Variants in LRRIQ1 observed in about 807,000 individuals in gnomAD.
The protein encoded by LRRIQ1 is leucine rich repeats and IQ motif containing 1.
LRRIQ1 carries 210 observed loss-of-function variants against 211.9 expected under a neutral mutation model. The ratio of observed to expected loss-of-function variants is 0.99; its 90% CI spans 0.89 to 1.11. The LOEUF is 1.11. Ranked by LOEUF, LRRIQ1 falls within the 50% of genes most tolerant of loss-of-function variation. LRRIQ1 has a pLI of 0.00. For missense variants in LRRIQ1, 2,136 were observed against 1,939.5 expected (o/e 1.10, Z -1.90); for synonymous variants, 699 against 650.1 (o/e 1.08, Z -1.14).
chr12:85,042,505 A>T (rs1456754678), intron 3 of LRRIQ1, among the ~76,000 whole-genome samples: 2 of 148,634 alleles, frequency 1.3e-5, no homozygotes, highest in African/African-American at 4.9e-5. Context: ...TTTATTATTC[A>T]TTAAATTATA....
rs551108227 is a variant in LRRIQ1 at position 85,046,840 on chromosome 12, A to G, written c.455-407A>G. On this transcript the variant is annotated intron_variant, in intron 5 of 26. Transcript: ENST00000393217. ...CGCAGCCATAAAAAAGGATGAGTTC[A>G]TGTCCTTTGTAGGGACATGGATGAA... Among the ~76,000 whole-genome samples the G allele has an allele frequency of 2.8e-3, 427 of 152,318 alleles. 1 individual carries two copies. Among genetic ancestry groups the G allele is most frequent in the Non-Finnish European group, 4.4e-3 (300 of 68,028 alleles).
At chr12:85,163,553 TAAAAA>T (rs879741845) in intron 24 of LRRIQ1, among the ~76,000 whole-genome samples, 1 of 151,512 alleles carries the variant, frequency 6.6e-6, no homozygotes, top group Non-Finnish European at 1.5e-5. Flanking sequence ...TGTATAAATT[TAAAAA>T]AAAATTACTT....
At chr12:85,066,929 A>T in intron 10 of LRRIQ1, 31 bp downstream of exon 10, 2 of 1,215,564 alleles carry the variant, frequency 1.6e-6, no homozygotes, top group Non-Finnish European at 2.2e-6. Flanking sequence ...ATATTTAAAG[A>T]TATATTTCTC....
At position 85,104,022 on chromosome 12, in the gene LRRIQ1, A is replaced by T; in HGVS notation, c.3228A>T (p.Pro1076=). ...ISQNSLTKIV[P]LFHFVSLEKL... is the part of the protein sequence containing the mutation. ...TTTTCAGCTTGACTAAAATCGTACCACTTTTTCATTTTGTTTCATTGGAAA... is the reference window on the plus strand; with the variant it reads ...TTTTCAGCTTGACTAAAATCGTACCTCTTTTTCATTTTGTTTCATTGGAAA... Residue 1076 remains proline (P), a synonymous_variant, in exon 14 of 27, where the codon CCA becomes CCT. Transcript: ENST00000393217. 3 of 1,569,152 alleles carry T rather than the reference A, an allele frequency of 1.9e-6. No individual in the cohort carries two copies. The highest frequency in any genetic ancestry group is 2.6e-6 in the Non-Finnish European group (3 of 1,157,550).
intron 10 of LRRIQ1, among the ~76,000 whole-genome samples, chr12:85,067,683 C>G (rs1338174974): frequency 1.3e-5 from 2 of 151,700 alleles, no homozygotes; most frequent in Non-Finnish European, 2.9e-5. Context: ...GTCAACCAGT[C>G]CTATTTTCTA....
At chr12:85,060,451 G>C (rs1881660294) in intron 8 of LRRIQ1, among the ~76,000 whole-genome samples, 1 of 151,774 alleles carries the variant, frequency 6.6e-6, no homozygotes, top group Admixed American at 6.6e-5. Context: ...CCACAAAAAA[G>C]GGCACTGAGC....
At chr12:85,080,294 C>G (rs1180108528) in intron 11 of LRRIQ1, among the ~76,000 whole-genome samples, 1 of 151,692 alleles carries the variant, frequency 6.6e-6, no homozygotes, top group Non-Finnish European at 1.5e-5. Flanking sequence ...TTCATTGTGC[C>G]TCCTAAATCT....
At chr12:85,269,231 A>G (rs957448728), downstream of LRRIQ1, among the ~76,000 whole-genome samples, 2 of 151,940 alleles carry the variant, frequency 1.3e-5, no homozygotes, top group Non-Finnish European at 2.9e-5. Flanking sequence ...TGTCCAATCT[A>G]TAGGCTTCAG....
In LRRIQ1 at chr12:85,203,656, T is replaced by G. The variant is rs1352613369; in HGVS notation, c.4823-25861T>G. Among the ~76,000 whole-genome samples, 3 of 152,138 alleles carry G rather than the reference T, an allele frequency of 2.0e-5. No individual in the cohort carries two copies. In the East Asian group the frequency reaches 5.8e-4, roughly 29 times the overall value. On this transcript the variant is annotated intron_variant, in intron 24 of 26. Coordinates refer to ENST00000393217, the MANE Select transcript of LRRIQ1 (RefSeq NM_001079910.2). ...TGTTATGTTTTAGCAAAGAGACTGG[T>G]GGCATTGTGTCCCTGCCCTAGAGAT...
At position 85,133,298 on chromosome 12, in the gene LRRIQ1, G is replaced by T. The variant is rs151329771; in HGVS notation, c.4210-4552G>T. Among the ~76,000 whole-genome samples, 869 of 152,150 alleles carry T rather than the reference G, an allele frequency of 5.7e-3. 14 individuals are homozygous for T. Among genetic ancestry groups the T allele is most frequent in the African/African-American group, 0.02 (827 of 41,512 alleles). On this transcript the variant is annotated intron_variant, in intron 18 of 26. Transcript: ENST00000393217. The stretch of plus-strand genomic sequence containing the variant: ...TAGAATTTTGTAGGTTGGGTAAAAA[G>T]AAAGTTGTATCAGTAAAAAGTAGAA...
intron 24 of LRRIQ1, among the ~76,000 whole-genome samples, chr12:85,206,998 C>G (rs1336003322): frequency 1.3e-5 from 2 of 152,136 alleles, no homozygotes; most frequent in Non-Finnish European, 2.9e-5. Flanking sequence ...CCTTGGAGCT[C>G]CAAACGGGCT....
At chr12:85,046,292 C>T (rs1879572478) in intron 5 of LRRIQ1, among the ~76,000 whole-genome samples, 155 bp downstream of exon 5, 1 of 152,148 alleles carries the variant, frequency 6.6e-6, no homozygotes, top group Non-Finnish European at 1.5e-5. Context: ...TATTAAATTA[C>T]ATATCATCAT....
At chr12:85,165,898 G>A (rs1383701706) in intron 24 of LRRIQ1, among the ~76,000 whole-genome samples, 1 of 152,114 alleles carries the variant, frequency 6.6e-6, no homozygotes, top group African/African-American at 2.4e-5. Flanking sequence ...GTGCCGCGAT[G>A]TACATACGAG....
In LRRIQ1 at chr12:85,066,756, T is replaced by A; in HGVS notation, c.2553T>A (p.His851Gln). 2 of 1,586,666 alleles carry A rather than the reference T, an allele frequency of 1.3e-6. No homozygotes were observed. The highest frequency in any genetic ancestry group is 1.7e-6 in the Non-Finnish European group (2 of 1,169,564). Residue 851 changes from histidine to glutamine, a missense_variant, in exon 10 of 27, where the codon CAT becomes CAA. By Grantham distance (24) the His-to-Gln change is conservative. Coordinates refer to ENST00000393217, the MANE Select transcript of LRRIQ1 (RefSeq NM_001079910.2). ...KLKYIDAQEN[H>Q]IEAIECENLE... Reference sequence around the variant, plus strand: ...TTTGTTCTTTGCTTCAGGAAAACCATATTGAGGCTATTGAGTGTGAAAATT... The same window carrying A: ...TTTGTTCTTTGCTTCAGGAAAACCAAATTGAGGCTATTGAGTGTGAAAATT...
At chr12:85,265,981 G>A (rs1308989312), downstream of LRRIQ1, among the ~76,000 whole-genome samples, 1 of 151,910 alleles carries the variant, frequency 6.6e-6, no homozygotes, top group African/African-American at 2.4e-5. Flanking sequence ...AGAGAACTTG[G>A]ATTCTGCTAA....
chr12:85,043,806 A>T (rs1879201596), intron 3 of LRRIQ1, among the ~76,000 whole-genome samples: 1 of 152,160 alleles, frequency 6.6e-6, no homozygotes, highest in South Asian at 2.1e-4. Flanking sequence ...TATACTTAAG[A>T]AGTTCAGAGA....
At chr12:85,075,996 T>A (rs1345129707) in intron 11 of LRRIQ1, among the ~76,000 whole-genome samples, 3 of 152,140 alleles carry the variant, frequency 2.0e-5, no homozygotes, top group African/African-American at 4.8e-5. Context: ...GCCTAATTTT[T>A]AAATTACCTT....
chr12:85,040,995 ACTT>A (rs1878819453), intron 3 of LRRIQ1, among the ~76,000 whole-genome samples: 1 of 151,668 alleles, frequency 6.6e-6, no homozygotes, highest in African/African-American at 2.4e-5. Context: ...GTGCAAATTT[ACTT>A]CTTGGAATTG....
intron 11 of LRRIQ1, among the ~76,000 whole-genome samples, chr12:85,077,167 T>C (rs1293699194): frequency 6.6e-6 from 1 of 152,206 alleles, no homozygotes; most frequent in African/African-American, 2.4e-5. Context: ...TAATTTAACA[T>C]TTTTAATTTT....
Sources: allele counts gnomAD v4.1 joint callset (sites outside exome capture counted in the v4.1 genomes callset), GRCh38; gene constraint gnomAD v4.1.1; transcripts MANE v1.5; gene names NCBI Gene and HGNC (gene_info 2026-07-23, HGNC 2026-07-21).